The following ARHGEF3 variants were observed in gnomAD, a reference collection of about 807,000 sequenced individuals.
ARHGEF3 encodes 59.8 kDA protein.
Under a neutral mutation model 63.2 loss-of-function variants are expected in ARHGEF3, and 28 were observed. The ratio of observed to expected loss-of-function variants is 0.44; its 90% confidence interval spans 0.33 to 0.61. ARHGEF3 has a LOEUF of 0.61. ARHGEF3 is among the 20% of genes least tolerant of loss of function. The probability of loss-of-function intolerance (pLI) is 0.03; values close to 1 mark genes in which losing one functional copy is unlikely to be tolerated. For synonymous variants in ARHGEF3, 266 were observed against 254.2 expected (o/e 1.05, Z -0.44); for missense variants, 533 against 659.3 (o/e 0.81, Z 2.10).
chr3:56,777,796 C>G (rs2036356690), intron 1 of ARHGEF3, among the ~76,000 whole-genome samples: 1 of 152,154 alleles, frequency 6.6e-6, no homozygotes, highest in African/African-American at 2.4e-5. Flanking sequence ...CCAGGAGAGG[C>G]TGGAAATGTA....
At chr3:56,794,488 C>CAAAAAAAAAAAAAAAA (rs10557985) in intron 1 of ARHGEF3, among the ~76,000 whole-genome samples, 13 of 116,908 alleles carry the variant, frequency 1.1e-4, no homozygotes, top group African/African-American at 3.2e-4. Flanking sequence ...GACTCTATCT[C>CAAAAAAAAAAAAAAAA]AAAAAAAAAA....
intron 1 of ARHGEF3, among the ~76,000 whole-genome samples, chr3:57,075,683 GC>G (rs2107425648): frequency 6.6e-6 from 1 of 152,208 alleles, no homozygotes; most frequent in South Asian, 2.1e-4. Context: ...GGTGGTGCAT[GC>G]CCATAGTCCC....
At chr3:56,822,232 G>A (rs1465872533) in intron 4 of ARHGEF3, among the ~76,000 whole-genome samples, 1 of 152,046 alleles carries the variant, frequency 6.6e-6, no homozygotes, top group Non-Finnish European at 1.5e-5. Flanking sequence ...CATTCCCATG[G>A]CACAGATGAA....
At chr3:57,074,549 T>A in intron 1 of ARHGEF3, 1 of 406,088 alleles carries the variant, frequency 2.5e-6, no homozygotes, top group Non-Finnish European at 4.6e-6. Flanking sequence ...CTGTATTAAA[T>A]GACATCAATT....
intron 2 of ARHGEF3, among the ~76,000 whole-genome samples, chr3:56,759,061 G>A (rs2035265473): frequency 6.6e-6 from 1 of 151,898 alleles, no homozygotes; most frequent in African/African-American, 2.4e-5. Flanking sequence ...ATAAAATTAA[G>A]TACAAATGCC....
At chr3:56,813,799 T>C (rs1196785262) in intron 4 of ARHGEF3, among the ~76,000 whole-genome samples, 1 of 152,268 alleles carries the variant, frequency 6.6e-6, no homozygotes, top group South Asian at 2.1e-4. Flanking sequence ...TTAGGTGCCA[T>C]CACGTTTCCT....
chr3:56,954,600 TGG>T (rs933488394), intron 3 of ARHGEF3, among the ~76,000 whole-genome samples: 1 of 152,186 alleles, frequency 6.6e-6, no homozygotes, highest in African/African-American at 2.4e-5. Context: ...CCTATGGGTC[TGG>T]TAAGTGGTGG....
Position 56,753,588 on chromosome 3 carries a change from T to C in ARHGEF3, c.376-22A>G, listed in dbSNP as rs770633417. 38 of 1,605,254 alleles carry C rather than the reference T, an allele frequency of 2.4e-5. No individual in the cohort carries two copies. The Admixed American group carries it at 5.7e-4, about 24-fold the overall frequency. On this transcript the variant is annotated intron_variant, in intron 3 of 9. Coordinates refer to ENST00000296315, the MANE Select transcript of ARHGEF3 (RefSeq NM_019555.3). ...TCGCCTGCAAGGAAAGATAAACATA[T>C]TCACTGAATTCTCCCTTCATTTACA...
Position 56,832,328 on chromosome 3 carries a change from T to A in ARHGEF3, c.192+49964A>T, listed in dbSNP as rs1386829094. Among the ~76,000 whole-genome samples the A allele has an allele frequency of 2.0e-5, 3 of 152,340 alleles. No homozygotes were observed. In the East Asian group the frequency reaches 5.8e-4, roughly 29 times the overall value. On this transcript the variant is annotated intron_variant, in intron 4 of 12. Transcript: ENST00000338458. The stretch of plus-strand genomic sequence containing the variant: ...TTTGTTAAATTTGCTTCCAGGGCTT[T>A]AAAAAATATATGTAAGTAGGGGGTT...
At chr3:56,729,752 T>G (rs1248241050) in intron 9 of ARHGEF3, 130 bp from the exon 10 acceptor site, 2 of 749,306 alleles carry the variant, frequency 2.7e-6, no homozygotes, top group Non-Finnish European at 4.3e-6. Context: ...CGTTTCCCAC[T>G]GATCTGGGGC....
intron 4 of ARHGEF3, among the ~76,000 whole-genome samples, chr3:56,851,632 C>T (rs368714148): frequency 9.2e-5 from 14 of 152,156 alleles, no homozygotes; most frequent in African/African-American, 3.4e-4. Context: ...AAGTGATCCA[C>T]CCACCTCAGC....
chr3:56,744,988 T>C (rs1402344278), intron 7 of ARHGEF3, among the ~76,000 whole-genome samples: 1 of 152,204 alleles, frequency 6.6e-6, no homozygotes, highest in Non-Finnish European at 1.5e-5. Context: ...ACAGCGTGTT[T>C]CATGTAAGCA....
chr3:57,013,383 T>G (rs1169288934), intron 2 of ARHGEF3, among the ~76,000 whole-genome samples: 4 of 152,246 alleles, frequency 2.6e-5, no homozygotes, highest in Non-Finnish European at 5.9e-5. Flanking sequence ...GGATTGTATA[T>G]GCACCAATCA....
At chr3:56,844,525 A>C (rs1301952005) in intron 4 of ARHGEF3, among the ~76,000 whole-genome samples, 1 of 152,214 alleles carries the variant, frequency 6.6e-6, no homozygotes, top group African/African-American at 2.4e-5. Flanking sequence ...AAATAAAACA[A>C]AATTAAAAGG....
intron 2 of ARHGEF3, among the ~76,000 whole-genome samples, chr3:56,987,999 T>C (rs1316241356): frequency 2.0e-5 from 3 of 152,164 alleles, no homozygotes; most frequent in Admixed American, 2.0e-4. Context: ...GGGCAACAGC[T>C]CTGAGGGGTC....
At chr3:56,916,723 A>T (rs1430224507) in intron 3 of ARHGEF3, among the ~76,000 whole-genome samples, 1 of 152,216 alleles carries the variant, frequency 6.6e-6, no homozygotes, top group African/African-American at 2.4e-5. Context: ...GGAGCTTTGC[A>T]GACCCAAACA....
intron 1 of ARHGEF3, among the ~76,000 whole-genome samples, chr3:57,060,237 G>A (rs1705148907): frequency 6.6e-6 from 1 of 151,666 alleles, no homozygotes; most frequent in African/African-American, 2.4e-5. Flanking sequence ...GGAGGTCAAG[G>A]CTGCAGGGAG....
chr3:56,835,579 CA>C, intron 4 of ARHGEF3, among the ~76,000 whole-genome samples: 1 of 152,272 alleles, frequency 6.6e-6, no homozygotes, highest in South Asian at 2.1e-4. Context: ...TGCTAAATAA[CA>C]GCATTAATTC....
chr3:57,007,043 A>G, intron 2 of ARHGEF3: 3 of 747,032 alleles, frequency 4.0e-6, no homozygotes, highest in Non-Finnish European at 5.4e-6. Flanking sequence ...GGCGATGGTC[A>G]CACTGTGCTC....
Sources: gnomAD v4.1 joint callset for allele counts (sites outside exome capture counted in the v4.1 genomes callset) on GRCh38, gnomAD v4.1.1 for gene constraint, MANE v1.5 for transcripts, NCBI Gene and HGNC (gene_info 2026-07-23, HGNC 2026-07-21) for gene names.